Variants in MAF observed in about 807,000 individuals in gnomAD.
The protein encoded by MAF is MAF bZIP transcription factor, also known as transcription factor Maf.
MAF carries 10 observed loss-of-function variants against 22.0 expected under a neutral mutation model. The observed-to-expected ratio is 0.45, with a 90% CI of 0.28 to 0.77. The LOEUF is 0.77. MAF is among the 30% of genes least tolerant of loss of function. The probability of loss-of-function intolerance (pLI) is 0.12; values close to 1 mark genes in which losing one functional copy is unlikely to be tolerated. For missense variants in MAF, 544 were observed against 548.4 expected, an observed-to-expected ratio of 0.99 and a Z score of 0.08; for synonymous variants, 337 against 255.8, an observed-to-expected ratio of 1.32 and a Z score of -3.03.
At chr16:79,341,432 A>G in the MAF span, among the ~76,000 whole-genome samples, 3 of 152,156 alleles carry the variant, frequency 2.0e-5, no homozygotes, top group African/African-American at 7.2e-5. Context: ...GACTTCATGC[A>G]TCTCTTCTCA....
the MAF span, among the ~76,000 whole-genome samples, chr16:79,230,323 G>A: frequency 6.6e-6 from 1 of 152,126 alleles, no homozygotes; most frequent in South Asian, 2.1e-4. Context: ...GTGACAGAAA[G>A]AATGTACAGG....
the MAF span, among the ~76,000 whole-genome samples, chr16:79,299,715 T>G: frequency 6.6e-6 from 1 of 152,364 alleles, no homozygotes; most frequent in South Asian, 2.1e-4. Flanking sequence ...TGATCTTGAC[T>G]ATTCTAATGC....
the MAF span, among the ~76,000 whole-genome samples, chr16:79,240,633 C>A: frequency 0.14 from 21,466 of 150,518 alleles, 2,373 homozygotes; most frequent in African/African-American, 0.3. Context: ...CAGACTTAAA[C>A]GACCTGGCCT....
chr16:79,381,585 C>G, the MAF span, among the ~76,000 whole-genome samples: 2 of 152,190 alleles, frequency 1.3e-5, no homozygotes, highest in African/African-American at 4.8e-5. Flanking sequence ...ATGCTCCCCC[C>G]ATTCCTGGCC....
chr16:79,470,704 A>G, the MAF span, among the ~76,000 whole-genome samples: 4 of 152,208 alleles, frequency 2.6e-5, no homozygotes, highest in South Asian at 8.3e-4. Flanking sequence ...GTACTACAGG[A>G]AAGACAGCCA....
the MAF span, among the ~76,000 whole-genome samples, chr16:79,484,092 G>A: frequency 6.6e-6 from 1 of 152,192 alleles, no homozygotes; most frequent in Admixed American, 6.5e-5. Context: ...CTCTCTAACT[G>A]AATGGCACAG....
chr16:79,337,253 G>C, the MAF span, among the ~76,000 whole-genome samples: 2 of 152,116 alleles, frequency 1.3e-5, no homozygotes, highest in Non-Finnish European at 2.9e-5. Flanking sequence ...CTTCAGATCA[G>C]CAATGAAAAG....
At chr16:79,343,105 C>A in the MAF span, among the ~76,000 whole-genome samples, 4 of 152,128 alleles carry the variant, frequency 2.6e-5, no homozygotes, top group Non-Finnish European at 5.9e-5. Context: ...TCAGAACAAG[C>A]GAATGAGGTA....
the MAF span, among the ~76,000 whole-genome samples, chr16:79,488,038 C>T: frequency 6.6e-6 from 1 of 152,194 alleles, no homozygotes; most frequent in Non-Finnish European, 1.5e-5. Context: ...GAACTATTTG[C>T]ATCAAGCATC....
Position 79,599,476 on chromosome 16 carries a change from C to G in MAF, c.427G>C (p.Gly143Arg). The G allele has an allele frequency of 7.2e-7, 1 of 1,393,750 alleles. No homozygotes were observed. The highest frequency in any genetic ancestry group is 9.2e-7 in the Non-Finnish European group (1 of 1,083,632). 86.3% of individuals were successfully genotyped at this position (1,393,750 alleles called of 1,614,324 possible). A position where few individuals can be genotyped will look rare whatever the true frequency, so the allele number is the denominator to read the frequency against. Reference sequence around the variant, plus strand: ...CCCAAGGAGGCGCCGGCACCGGCCCCGGCCGCCGCGGCCAGCTGCTGCGCC... The same window carrying G: ...CCCAAGGAGGCGCCGGCACCGGCCCGGGCCGCCGCGGCCAGCTGCTGCGCC... ...RGAQQLAAAAGAGAGASLGGS... is the reference protein window; with the variant it reads ...RGAQQLAAAARAGAGASLGGS... Residue 143 changes from glycine to arginine, a missense_variant, in exon 1 of 2, where the codon GGG (glycine) becomes CGG (arginine). By Grantham distance (125) the Gly-to-Arg change is moderately radical (BLOSUM62 -2). Transcript: ENST00000326043.
the MAF span, among the ~76,000 whole-genome samples, chr16:79,349,526 T>C: frequency 1.3e-5 from 2 of 152,182 alleles, no homozygotes; most frequent in African/African-American, 4.8e-5. Flanking sequence ...CGGGTTTCAC[T>C]CTGGAACTAA....
At chr16:79,469,387 T>C in the MAF span, among the ~76,000 whole-genome samples, 1 of 152,166 alleles carries the variant, frequency 6.6e-6, no homozygotes, top group Non-Finnish European at 1.5e-5. Context: ...CAGATCTTGT[T>C]TGATGACCAA....
At chr16:79,250,453 G>T in the MAF span, among the ~76,000 whole-genome samples, 1 of 152,192 alleles carries the variant, frequency 6.6e-6, no homozygotes, top group South Asian at 2.1e-4. Context: ...CTCTTTAATT[G>T]CCAGAATGAG....
chr16:79,528,524 T>A, the MAF span, among the ~76,000 whole-genome samples: 3 of 152,150 alleles, frequency 2.0e-5, no homozygotes, highest in African/African-American at 4.8e-5. Context: ...AAATCCAGAT[T>A]CAGCATGAAG....
chr16:79,235,152 G>A, the MAF span, among the ~76,000 whole-genome samples: 4 of 152,040 alleles, frequency 2.6e-5, no homozygotes, highest in South Asian at 2.1e-4. Context: ...AAAGCTCACC[G>A]GGAAAGTGGC....
the MAF span, among the ~76,000 whole-genome samples, chr16:79,525,860 G>T: frequency 6.6e-6 from 1 of 152,110 alleles, no homozygotes; most frequent in Non-Finnish European, 1.5e-5. Context: ...CAAGAAAGAG[G>T]CAAGAATTCG....
chr16:79,206,456 A>T, the MAF span: 1 of 152,224 alleles, frequency 6.6e-6, no homozygotes, highest in East Asian at 1.9e-4. Flanking sequence ...TTCTCTCTAA[A>T]TAAATGGAAA....
chr16:79,544,822 T>C, the MAF span, among the ~76,000 whole-genome samples: 2 of 151,160 alleles, frequency 1.3e-5, no homozygotes, highest in East Asian at 1.9e-4. Context: ...TACTAAAATA[T>C]TATTTTATGT....
At chr16:79,342,386 A>G in the MAF span, among the ~76,000 whole-genome samples, 5 of 152,260 alleles carry the variant, frequency 3.3e-5, no homozygotes, top group Admixed American at 3.3e-4. Flanking sequence ...GGGCTGCAGC[A>G]TGAGGCAGTT....
Sources: gnomAD v4.1 joint callset for allele counts (sites outside exome capture counted in the v4.1 genomes callset) on GRCh38, gnomAD v4.1.1 for gene constraint, MANE v1.5 for transcripts, NCBI Gene and HGNC (gene_info 2026-07-23, HGNC 2026-07-21) for gene names.